The following RTN1 variants were observed in gnomAD, a reference collection of about 807,000 sequenced individuals.
RTN1 encodes reticulon 1, also known as reticulon-1.
RTN1 carries 25 observed loss-of-function variants against 65.5 expected under a neutral mutation model. The observed-to-expected ratio is 0.38, with a 90% confidence interval of 0.28 to 0.53. RTN1 has a LOEUF of 0.53. RTN1 is among the 20% of genes least tolerant of loss of function. The pLI, the probability that RTN1 is intolerant of heterozygous loss-of-function variation, is 0.79. For synonymous variants in RTN1, 471 were observed against 447.6 expected (o/e 1.05, Z -0.66); for missense variants, 983 against 1,025.4 (o/e 0.96, Z 0.57).
At chr14:59,618,485 C>T (rs536460203) in intron 3 of RTN1, among the ~76,000 whole-genome samples, 20 of 152,190 alleles carry the variant, frequency 1.3e-4, no homozygotes, top group Middle Eastern at 3.2e-3. Context: ...CACTGGCTTC[C>T]GCCCACCCAC....
chr14:59,694,125 C>T (rs1362957292), intron 3 of RTN1, among the ~76,000 whole-genome samples: 1 of 152,208 alleles, frequency 6.6e-6, no homozygotes, highest in African/African-American at 2.4e-5. Context: ...GTCTTCATCG[C>T]CTTTTCCTTC....
chr14:59,788,732 G>T (rs973332562), intron 1 of RTN1, among the ~76,000 whole-genome samples: 1 of 152,092 alleles, frequency 6.6e-6, no homozygotes, highest in Admixed American at 6.5e-5. Context: ...GCTCTAAGCT[G>T]TCTGGGTTAC....
chr14:59,836,011 T>A lies in RTN1; in HGVS notation c.241+34379A>T, dbSNP rs1390952398. ...GCTTCCTTGCCTTTTTCCAGGTCCTTGGCTCTATTCTTCCCTCCCATCACT... is the reference window on the plus strand; with the variant it reads ...GCTTCCTTGCCTTTTTCCAGGTCCTAGGCTCTATTCTTCCCTCCCATCACT... On this transcript the variant is annotated intron_variant, in intron 1 of 8. Transcript: ENST00000267484. The surrounding 1 kb of genome is among the most constrained non-coding windows in gnomAD (Gnocchi z 4.9). Among the ~76,000 whole-genome samples, 1 of 152,192 alleles carries A rather than the reference T, an allele frequency of 6.6e-6. No homozygotes were observed. Among genetic ancestry groups the A allele is most frequent in the Non-Finnish European group, 1.5e-5 (1 of 68,028 alleles).
intron 1 of RTN1, among the ~76,000 whole-genome samples, chr14:59,838,652 C>T (rs1327675358): frequency 6.6e-6 from 1 of 152,132 alleles, no homozygotes; most frequent in Non-Finnish European, 1.5e-5. Context: ...TTTTGGCACA[C>T]ACGTATATAT....
rs1213537662 is a variant in RTN1, at chr14:59,856,006, T to A, written c.241+14384A>T. ...TTTCGCTAGAAACAGCAGGCTTTTTTTGTGGGTGTTTTTTGTCTGTGCCCA... is the reference window on the plus strand; with the variant it reads ...TTTCGCTAGAAACAGCAGGCTTTTTATGTGGGTGTTTTTTGTCTGTGCCCA... On this transcript the variant is annotated intron_variant, in intron 1 of 8. Coordinates refer to ENST00000267484, the MANE Select transcript of RTN1 (RefSeq NM_021136.3). Among the ~76,000 whole-genome samples the A allele has an allele frequency of 5.3e-5, 8 of 152,322 alleles. No homozygotes were observed. In the East Asian group the frequency reaches 1.5e-3, roughly 29 times the overall value.
At chr14:59,798,735 C>T (rs1886485233) in intron 1 of RTN1, among the ~76,000 whole-genome samples, 1 of 139,126 alleles carries the variant, frequency 7.2e-6, no homozygotes, top group Non-Finnish European at 1.5e-5. Flanking sequence ...TCTGCAAAAT[C>T]TCTTTTGCCA....
At chr14:59,797,499 T>C (rs1314433565) in intron 1 of RTN1, among the ~76,000 whole-genome samples, 1 of 152,128 alleles carries the variant, frequency 6.6e-6, no homozygotes, top group Non-Finnish European at 1.5e-5. Flanking sequence ...CAAAAGTCCA[T>C]TGTGCAATCA....
chr14:59,597,792 G>C (rs922779813), intron 8 of RTN1, among the ~76,000 whole-genome samples: 2 of 152,196 alleles, frequency 1.3e-5, no homozygotes, highest in Non-Finnish European at 2.9e-5. Flanking sequence ...GGACCATCAG[G>C]CAAAGATCTG....
intron 1 of RTN1, among the ~76,000 whole-genome samples, chr14:59,757,981 C>T (rs1190611246): frequency 6.6e-6 from 1 of 152,208 alleles, no homozygotes; most frequent in Non-Finnish European, 1.5e-5. Context: ...ATATATACAC[C>T]ATAACAGTAT....
chr14:59,606,125 T>TATATATATATATATATATATATATATAA lies in RTN1; in HGVS notation c.1974-620_1974-619insTTATATATATATATATATATATATATAT, dbSNP rs1345665820. ...CATGATATATATATATATATATATA[T>TATATATATATATATATATATATATATAA]ATCATACCAGCTTAAGCCTCCTCTG... On this transcript the variant is annotated intron_variant, in intron 4 of 8. Transcript: ENST00000267484. 2.2e-4 allele frequency: 25 copies of TATATATATATATATATATATATATATAA among 111,468 alleles called. 1 individual carries two copies. Among genetic ancestry groups the TATATATATATATATATATATATATATAA allele is most frequent in the African/African-American group, 9.2e-4 (24 of 26,066 alleles). 6.9% of individuals were successfully genotyped at this position (111,468 alleles called of 1,614,324 possible).
At chr14:59,637,870 C>T (rs772138845) in intron 3 of RTN1, among the ~76,000 whole-genome samples, 20 of 151,232 alleles carry the variant, frequency 1.3e-4, no homozygotes, top group Non-Finnish European at 2.4e-4. Context: ...TTTTTTTTCC[C>T]GAGATGGAGT....
chr14:59,623,064 T>G (rs1428954417), intron 3 of RTN1, among the ~76,000 whole-genome samples: 1 of 152,240 alleles, frequency 6.6e-6, no homozygotes, highest in African/African-American at 2.4e-5. Context: ...AAATGAGCTT[T>G]GGTGGAACAA....
At chr14:59,604,775 T>C (rs1400421995) in intron 5 of RTN1, 1 of 152,284 alleles carries the variant, frequency 6.6e-6, no homozygotes, top group Non-Finnish European at 1.5e-5. Context: ...CACGATTGAC[T>C]AACTTTGATT....
At chr14:59,751,446 G>A (rs768781892) in intron 1 of RTN1, among the ~76,000 whole-genome samples, 8 of 151,968 alleles carry the variant, frequency 5.3e-5, no homozygotes, top group East Asian at 1.9e-4. Flanking sequence ...AAATCAACCC[G>A]AGATAGATAT....
chr14:59,799,759 C>G (rs980255267), intron 1 of RTN1, among the ~76,000 whole-genome samples: 1 of 152,142 alleles, frequency 6.6e-6, no homozygotes, highest in South Asian at 2.1e-4. Flanking sequence ...ATACTGCCCA[C>G]TTTGACAGAC....
At chr14:59,675,231 A>T (rs8003081) in intron 3 of RTN1, among the ~76,000 whole-genome samples, 4,942 of 152,264 alleles carry the variant, frequency 0.032, 248 homozygotes, top group African/African-American at 0.11. Flanking sequence ...AAGTCTTGGC[A>T]GATGAATAAA....
chr14:59,621,296 A>C (rs1882248593), intron 3 of RTN1, among the ~76,000 whole-genome samples: 2 of 152,214 alleles, frequency 1.3e-5, no homozygotes, highest in Admixed American at 1.3e-4. Flanking sequence ...AATGCAGAAA[A>C]GCCAGGCGAG....
intron 1 of RTN1, among the ~76,000 whole-genome samples, chr14:59,778,843 G>T (rs901095222): frequency 6.6e-6 from 1 of 152,174 alleles, no homozygotes; most frequent in Admixed American, 6.6e-5. Context: ...GACTGTAGGT[G>T]CAGGAACACA....
At chr14:59,866,092 A>T (rs939259462) in intron 1 of RTN1, among the ~76,000 whole-genome samples, 1 of 152,162 alleles carries the variant, frequency 6.6e-6, no homozygotes, top group Non-Finnish European at 1.5e-5. Flanking sequence ...TCAAGCTTCC[A>T]GCAATAACTT....
Sources: gnomAD v4.1 joint callset for allele counts (sites outside exome capture counted in the v4.1 genomes callset) on GRCh38, gnomAD v4.1.1 for gene constraint, Gnocchi (gnomAD v3.1) non-coding constraint, MANE v1.5 for transcripts, NCBI Gene and HGNC (gene_info 2026-07-23, HGNC 2026-07-21) for gene names.